The following IL1RAPL1 variants were observed in gnomAD, a reference collection of about 807,000 sequenced individuals.
IL1RAPL1 encodes interleukin-1 receptor accessory protein-like 1.
Under a neutral mutation model 48.4 loss-of-function variants are expected in IL1RAPL1, and 3 were observed. The observed-to-expected ratio is 0.06, with a 90% CI of 0.03 to 0.16. IL1RAPL1 has a LOEUF of 0.16. Ranked by LOEUF, IL1RAPL1 falls within the 10% of genes least tolerant of loss-of-function variation. The pLI is 1.00. For missense variants in IL1RAPL1, 349 were observed against 530.6 expected (o/e 0.66, Z 3.36); for synonymous variants, 185 against 187.7 (o/e 0.99, Z 0.12).
chrX:28,978,332 GA>G (rs1925254696), intron 2 of IL1RAPL1, among the ~76,000 whole-genome samples: 1 of 111,338 alleles, frequency 9.0e-6, no homozygotes, highest in Non-Finnish European at 1.9e-5. Context: ...ACTGTTTACT[GA>G]TTACTTCAAT....
At chrX:29,389,228 C>T (rs1262084335) in intron 3 of IL1RAPL1, among the ~76,000 whole-genome samples, 16 of 107,971 alleles carry the variant, frequency 1.5e-4, no homozygotes, top group Non-Finnish European at 3.8e-5. Flanking sequence ...TGGTGGCGGG[C>T]GCCTATAGTC....
At chrX:29,740,111 A>C (rs1270371436) in intron 6 of IL1RAPL1, among the ~76,000 whole-genome samples, 2 of 97,227 alleles carry the variant, frequency 2.1e-5, no homozygotes, top group Non-Finnish European at 4.1e-5. Flanking sequence ...CAACAAAAAA[A>C]CAAAAAAACA....
At chrX:29,839,314 C>A (rs906393597) in intron 6 of IL1RAPL1, among the ~76,000 whole-genome samples, 1 of 112,126 alleles carries the variant, frequency 8.9e-6, no homozygotes, top group African/African-American at 3.2e-5. Context: ...ATTGGAGACA[C>A]ATAATAAATG....
At chrX:29,406,101 A>G (rs752524752) in intron 5 of IL1RAPL1, among the ~76,000 whole-genome samples, 5 of 111,943 alleles carry the variant, frequency 4.5e-5, no homozygotes, top group African/African-American at 1.6e-4. Context: ...AAACTCTAGC[A>G]TTTCCTGGCT....
chrX:29,421,798 A>G (rs1934294181), intron 5 of IL1RAPL1, among the ~76,000 whole-genome samples: 1 of 111,972 alleles, frequency 8.9e-6, no homozygotes, highest in Admixed American at 9.5e-5. Context: ...CATAGAAAAG[A>G]GTCTGAATTC....
At chrX:29,920,283 T>C (rs1268650228) in intron 8 of IL1RAPL1, among the ~76,000 whole-genome samples, 189 bp downstream of exon 8, 3 of 111,396 alleles carry the variant, frequency 2.7e-5, no homozygotes, top group Non-Finnish European at 3.8e-5. Flanking sequence ...GTCTCTAAAA[T>C]CAAATTTGAA....
chrX:29,775,724 A>G, intron 6 of IL1RAPL1, among the ~76,000 whole-genome samples: 1 of 111,704 alleles, frequency 9.0e-6, no homozygotes, highest in Non-Finnish European at 1.9e-5. Context: ...TGAATGCTGA[A>G]TGGGAGTTAA....
chrX:28,894,803 C>T (rs756424065), intron 2 of IL1RAPL1, among the ~76,000 whole-genome samples: 5 of 111,080 alleles, frequency 4.5e-5, no homozygotes, highest in East Asian at 5.7e-4. Flanking sequence ...GAATTCTGAC[C>T]GCACTAACCA....
chrX:29,799,356 A>G (rs972862297), intron 6 of IL1RAPL1, among the ~76,000 whole-genome samples: 18 of 112,180 alleles, frequency 1.6e-4, no homozygotes, highest in African/African-American at 5.8e-4. Context: ...CTTCTAAGTA[A>G]CATTTCCTTT....
At chrX:28,860,851 A>AT (rs758632986) in intron 2 of IL1RAPL1, among the ~76,000 whole-genome samples, 74 of 110,351 alleles carry the variant, frequency 6.7e-4, no homozygotes, top group African/African-American at 2.2e-3. Context: ...CAATCTAAGA[A>AT]TTTTTTTTTC....
chrX:29,326,548 G>T, intron 3 of IL1RAPL1, among the ~76,000 whole-genome samples: 1 of 112,135 alleles, frequency 8.9e-6, no homozygotes. Flanking sequence ...AAGTAATATT[G>T]AGAATGCATT....
intron 6 of IL1RAPL1, among the ~76,000 whole-genome samples, chrX:29,859,650 T>G (rs1354358776): frequency 1.8e-5 from 2 of 112,474 alleles, no homozygotes; most frequent in Admixed American, 9.4e-5. Flanking sequence ...TAAAAATTAC[T>G]GAAATAAAAT....
intron 2 of IL1RAPL1, among the ~76,000 whole-genome samples, chrX:29,062,412 A>G (rs1295481289): frequency 8.9e-6 from 1 of 112,568 alleles, no homozygotes; most frequent in Non-Finnish European, 1.9e-5. Context: ...GTAATACAAG[A>G]TGTTATGCAA....
intron 5 of IL1RAPL1, among the ~76,000 whole-genome samples, chrX:29,551,197 G>C (rs1192255921): frequency 1.8e-5 from 2 of 111,844 alleles, no homozygotes; most frequent in Admixed American, 1.9e-4. Flanking sequence ...ACAACATTTT[G>C]TTCACCCATT....
At chrX:29,806,382 T>C (rs1930256016) in intron 6 of IL1RAPL1, among the ~76,000 whole-genome samples, 1 of 111,902 alleles carries the variant, frequency 8.9e-6, no homozygotes, top group Non-Finnish European at 1.9e-5. Flanking sequence ...AAAACATAAG[T>C]AAGGCATAAA....
chrX:29,693,817 C>CT (rs751463248), intron 6 of IL1RAPL1, among the ~76,000 whole-genome samples: 4,270 of 98,816 alleles, frequency 0.043, 227 homozygotes, highest in African/African-American at 0.14. Flanking sequence ...TGATTCATTT[C>CT]TTTTTTTTTT....
At chrX:29,566,579 G>A (rs1321029984) in intron 5 of IL1RAPL1, among the ~76,000 whole-genome samples, 1 of 92,856 alleles carries the variant, frequency 1.1e-5, no homozygotes, top group African/African-American at 3.9e-5. Context: ...ATCATCAAAG[G>A]AGGTGAGGAT....
chrX:29,704,249 A>G (rs1927132380), intron 6 of IL1RAPL1, among the ~76,000 whole-genome samples: 2 of 111,580 alleles, frequency 1.8e-5, no homozygotes, highest in Non-Finnish European at 1.9e-5. Context: ...AATGTCAATT[A>G]TAGATATCTT....
intron 2 of IL1RAPL1, among the ~76,000 whole-genome samples, chrX:28,958,783 A>C (rs765733657): frequency 3.4e-4 from 38 of 111,597 alleles, no homozygotes; most frequent in African/African-American, 1.1e-3. Flanking sequence ...ACTTCCGTAG[A>C]GTTTTAAGTA....
Sources: gnomAD v4.1 joint callset for allele counts (sites outside exome capture counted in the v4.1 genomes callset) on GRCh38, gnomAD v4.1.1 for gene constraint, MANE v1.5 for transcripts, NCBI Gene and HGNC (gene_info 2026-07-23, HGNC 2026-07-21) for gene names.